Variants in KAZN observed in about 807,000 individuals in gnomAD.
KAZN encodes kazrin.
In KAZN, 40 loss-of-function variants were observed where a neutral mutation model predicts 87.4. The ratio of observed to expected loss-of-function variants is 0.46; its 90% CI spans 0.36 to 0.60. The LOEUF (loss-of-function observed/expected upper bound fraction) is 0.60, where lower values mean the gene tolerates loss of function less well. Ranked by LOEUF, KAZN falls within the 20% of genes least tolerant of loss-of-function variation. The pLI is 0.00. For synonymous variants in KAZN, 466 were observed against 458.3 expected (o/e 1.02, Z -0.22); for missense variants, 898 against 1,073.9 (o/e 0.84, Z 2.29).
intron 1 of KAZN, among the ~76,000 whole-genome samples, chr1:14,131,498 C>G (rs1390027001): frequency 6.6e-6 from 1 of 152,096 alleles, no homozygotes; most frequent in African/African-American, 2.4e-5. Flanking sequence ...GAAACCTTCT[C>G]CAGCACATTA....
intron 1 of KAZN, among the ~76,000 whole-genome samples, chr1:14,884,265 A>C (rs1653801897): frequency 6.6e-6 from 1 of 151,750 alleles, no homozygotes; most frequent in African/African-American, 2.4e-5. Context: ...GGTGGCGGGC[A>C]CCTGTAGTCC....
In KAZN at chr1:14,663,397, A is replaced by C. The variant is rs11811447; in HGVS notation, c.226+64174A>C. The stretch of plus-strand genomic sequence containing the variant: ...GCAAGAGAGGGAGAGTCAGGAGCCA[A>C]GCCCAGACCTACCTAATACAGAAGC... On this transcript the variant is annotated intron_variant, in intron 1 of 14. Transcript: ENST00000376030. Among the ~76,000 whole-genome samples the C allele has an allele frequency of 3.4e-3, 517 of 152,318 alleles. 4 individuals are homozygous for C. The highest frequency in any genetic ancestry group is 0.012 in the African/African-American group (482 of 41,568).
chr1:15,109,803 G>GTA (rs371020145), intron 13 of KAZN, among the ~76,000 whole-genome samples: 15,234 of 147,620 alleles, frequency 0.1, 1,003 homozygotes, highest in South Asian at 0.15. Flanking sequence ...GTATGTGTAT[G>GTA]TGTGTGTTGT....
At chr1:14,303,650 G>A (rs925116565) in intron 2 of KAZN, among the ~76,000 whole-genome samples, 1 of 152,122 alleles carries the variant, frequency 6.6e-6, no homozygotes, top group Non-Finnish European at 1.5e-5. Flanking sequence ...CCTCCAAGTT[G>A]GTCCCAGAAT....
At chr1:14,753,881 TG>T (rs1406062415) in intron 1 of KAZN, among the ~76,000 whole-genome samples, 2 of 152,356 alleles carry the variant, frequency 1.3e-5, no homozygotes, top group South Asian at 2.1e-4. Context: ...ATTCAGTGTC[TG>T]GTGAGGCTGT....
intron 1 of KAZN, among the ~76,000 whole-genome samples, chr1:14,913,145 A>C (rs1657427706): frequency 6.6e-6 from 1 of 152,196 alleles, no homozygotes. Context: ...CACTGTGGGC[A>C]CAGAGCAAGT....
chr1:13,937,864 A>G lies in KAZN; in HGVS notation c.91+44108A>G, dbSNP rs190270109. Reference sequence around the variant, plus strand: ...ATGTGGCTGTATTTCTGGGTTCTCTATTCTGTTCAATTGACCTATGTTTCT... The same window carrying G: ...ATGTGGCTGTATTTCTGGGTTCTCTGTTCTGTTCAATTGACCTATGTTTCT... On this transcript the variant is annotated intron_variant, in intron 1 of 16. Transcript: ENST00000636203. Among the ~76,000 whole-genome samples the G allele has an allele frequency of 4.6e-4, 70 of 152,198 alleles. 1 individual carries two copies. The East Asian group carries it at 0.013, about 28-fold the overall frequency.
At chr1:14,907,568 T>C (rs551866144) in intron 1 of KAZN, among the ~76,000 whole-genome samples, 14 of 152,154 alleles carry the variant, frequency 9.2e-5, no homozygotes, top group Middle Eastern at 6.8e-3. Context: ...AGAGGGCCAA[T>C]TGAGTTTGCA....
intron 1 of KAZN, among the ~76,000 whole-genome samples, chr1:14,689,193 TCAAAA>T (rs3081470): frequency 0.43 from 63,517 of 147,618 alleles, 13,771 homozygotes; most frequent in Middle Eastern, 0.52. Flanking sequence ...AGACTCTGTC[TCAAAA>T]CAAAACAAAA....
At chr1:14,868,514 C>A (rs946470666) in intron 1 of KAZN, among the ~76,000 whole-genome samples, 2 of 152,164 alleles carry the variant, frequency 1.3e-5, no homozygotes, top group Admixed American at 1.3e-4. Flanking sequence ...GAAATCTTAA[C>A]CACTTCCCCG....
At position 14,327,049 on chromosome 1, in the gene KAZN, A is replaced by G. The variant is rs79165694; in HGVS notation, c.249+146457A>G. On this transcript the variant is annotated intron_variant, in intron 2 of 16. Coordinates refer to the KAZN transcript ENST00000636203. ...TGATTCAATATCCCCAGTTCCTAGA[A>G]CAGTACCTGGAACAGTTAGCACTTT... is the stretch of plus-strand genomic sequence containing the variant. Among the ~76,000 whole-genome samples the G allele has an allele frequency of 8.5e-5, 13 of 152,274 alleles. No homozygotes were observed. The East Asian group carries it at 2.3e-3, about 27-fold the overall frequency.
intron 2 of KAZN, among the ~76,000 whole-genome samples, chr1:14,472,618 C>T (rs1473187846): frequency 6.6e-6 from 1 of 151,292 alleles, no homozygotes; most frequent in Non-Finnish European, 1.5e-5. Context: ...TAATGAGCAT[C>T]AGTAATGCCT....
chr1:14,164,454 TTG>T lies in KAZN; in HGVS notation c.92-15955_92-15954del, dbSNP rs59816103. ...TTTCAAGAGAGAAAACACTATGGCT[TTG>T]TGTGTGTGTGTGTGTGTGTGTGTGT... On this transcript the variant is annotated intron_variant, in intron 1 of 16. Coordinates refer to the KAZN transcript ENST00000636203. Among the ~76,000 whole-genome samples, 1,074 of 144,540 alleles carry T rather than the reference TTG, an allele frequency of 7.4e-3. 10 individuals carry two copies. The highest frequency in any genetic ancestry group is 0.024 in the African/African-American group (920 of 38,702). 94.8% of individuals were successfully genotyped at this position (144,540 alleles called of 152,430 possible).
At chr1:14,419,836 G>A (rs937789604) in intron 2 of KAZN, among the ~76,000 whole-genome samples, 2 of 152,260 alleles carry the variant, frequency 1.3e-5, no homozygotes, top group South Asian at 4.1e-4. Context: ...TCTCGGAAGT[G>A]AAGCCAGACA....
At position 15,094,175 on chromosome 1, in the gene KAZN, T is replaced by C; in HGVS notation, c.1223-5T>C. On this transcript the variant is annotated splice_polypyrimidine_tract_variant and splice_region_variant and intron_variant, in intron 8 of 14. Coordinates refer to ENST00000376030, the MANE Select transcript of KAZN (RefSeq NM_201628.3). This position sits in a 1 kb window ranked among gnomAD's most constrained non-coding sequence, Gnocchi z 4.5. ...CCCAGCATGGCCTGCACTTGTGTGT[T>C]GCAGACTCGGACAGCCAGTGCAGCC... is the stretch of plus-strand genomic sequence containing the variant. 6.2e-7 allele frequency: 1 copy of C among 1,612,236 alleles called. No individual in the cohort carries two copies. Among genetic ancestry groups the C allele is most frequent in the Admixed American group, 1.7e-5 (1 of 59,978 alleles).
intron 1 of KAZN, among the ~76,000 whole-genome samples, chr1:14,741,570 ACAGT>A (rs1291146240): frequency 6.6e-6 from 1 of 152,224 alleles, no homozygotes; most frequent in African/African-American, 2.4e-5. Flanking sequence ...ATAGCGTGTG[ACAGT>A]TTTACTTTGA....
At chr1:13,898,827 C>T (rs550304910) in intron 1 of KAZN, among the ~76,000 whole-genome samples, 17 of 152,220 alleles carry the variant, frequency 1.1e-4, no homozygotes, top group Non-Finnish European at 2.5e-4. Flanking sequence ...CAGCTGAACC[C>T]CTTTCCCTGC....
intron 1 of KAZN, among the ~76,000 whole-genome samples, chr1:13,933,355 G>C (rs546842657): frequency 1.7e-4 from 26 of 152,214 alleles, no homozygotes; most frequent in African/African-American, 6.3e-4. Flanking sequence ...AGCCAGGCGT[G>C]GTGGCGCATG....
chr1:14,544,350 C>CTTTTTTTTTTTTTTTTTTTTTTTTT (rs374148415), intron 2 of KAZN, among the ~76,000 whole-genome samples: 2 of 98,120 alleles, frequency 2.0e-5, no homozygotes, highest in East Asian at 3.2e-4. Context: ...TTCTTTCTTT[C>CTTTTTTTTTTTTTTTTTTTTTTTTT]TTTTTTTTTT....
Sources: gnomAD v4.1 joint callset for allele counts (sites outside exome capture counted in the v4.1 genomes callset) on GRCh38, gnomAD v4.1.1 for gene constraint, Gnocchi (gnomAD v3.1) non-coding constraint, MANE v1.5 for transcripts, NCBI Gene and HGNC (gene_info 2026-07-23, HGNC 2026-07-21) for gene names.